ANKRD6: variants seen among roughly 807,000 people sequenced by gnomAD.
ANKRD6 encodes ankyrin repeat domain 6.
A neutral mutation model predicts 82.3 loss-of-function variants in ANKRD6; 56 were observed. The observed-to-expected ratio is 0.68, with a 90% CI of 0.55 to 0.85. The LOEUF (loss-of-function observed/expected upper bound fraction) is 0.85, where lower values mean the gene tolerates loss of function less well. Ranked by LOEUF, ANKRD6 falls within the 40% of genes least tolerant of loss-of-function variation. ANKRD6 has a pLI of 0.00. For synonymous variants in ANKRD6, 347 were observed against 352.1 expected (o/e 0.99, Z 0.16); for missense variants, 852 against 907.6 (o/e 0.94, Z 0.79).
intron 1 of ANKRD6, among the ~76,000 whole-genome samples, chr6:89,450,203 G>T (rs1353213715): frequency 1.3e-5 from 2 of 152,036 alleles, no homozygotes; most frequent in African/African-American, 4.8e-5. Context: ...CGGGTGTGGT[G>T]GCAGGCGCCT....
rs761981093 is a variant in ANKRD6 at position 89,628,507 on chromosome 6, C to T, written c.1486-605C>T. 1.6e-4 allele frequency among the ~76,000 whole-genome samples: 24 copies of T among 152,152 alleles called. 1 individual carries two copies. The highest frequency in any genetic ancestry group is 3.3e-4 in the Admixed American group (5 of 15,280). ...TAGAGCGGATGGGCGCAGTGGCTCACGCCTGTAATCCCAGCACTTTGGGAG... is the reference window on the plus strand; with the variant it reads ...TAGAGCGGATGGGCGCAGTGGCTCATGCCTGTAATCCCAGCACTTTGGGAG... On this transcript the variant is annotated intron_variant, in intron 14 of 15. Transcript: ENST00000339746.
chr6:89,616,083 G>C (rs1801498289), intron 7 of ANKRD6, among the ~76,000 whole-genome samples: 1 of 152,236 alleles, frequency 6.6e-6, no homozygotes, highest in South Asian at 2.1e-4. Context: ...AGGCTGGCCT[G>C]TCACCTCTCC....
At chr6:89,455,151 GTT>G (rs75865475) in intron 1 of ANKRD6, among the ~76,000 whole-genome samples, 8 of 139,890 alleles carry the variant, frequency 5.7e-5, no homozygotes, top group Admixed American at 7.1e-5. Flanking sequence ...GTGTGTGTGT[GTT>G]TTTTTTTTTT....
At chr6:89,533,482 C>T (rs780564023) in intron 1 of ANKRD6, among the ~76,000 whole-genome samples, 39 of 152,262 alleles carry the variant, frequency 2.6e-4, no homozygotes, top group Middle Eastern at 6.8e-3. Flanking sequence ...GGAGCCATTT[C>T]CATCTCTCAG....
Position 89,476,138 on chromosome 6 carries a change from A to G in ANKRD6, c.-144+42763A>G, listed in dbSNP as rs376319571. On this transcript the variant is annotated intron_variant, in intron 1 of 15. Coordinates refer to ENST00000339746, the MANE Select transcript of ANKRD6 (RefSeq NM_001242809.2). ...CATCTACATGTGAATATATTTTACCAGTTATAATTAATATGTGTATGTTTT... is the reference window on the plus strand; with the variant it reads ...CATCTACATGTGAATATATTTTACCGGTTATAATTAATATGTGTATGTTTT... 9.9e-5 allele frequency among the ~76,000 whole-genome samples: 15 copies of G among 152,122 alleles called. 1 individual carries two copies. In the South Asian group the frequency reaches 1.9e-3, roughly 19 times the overall value.
At chr6:89,618,866 A>G (rs998633847) in intron 9 of ANKRD6, among the ~76,000 whole-genome samples, 5 of 152,064 alleles carry the variant, frequency 3.3e-5, no homozygotes, top group African/African-American at 1.2e-4. Flanking sequence ...TTAATGTTGG[A>G]CATTTAGGTT....
intron 2 of ANKRD6, among the ~76,000 whole-genome samples, chr6:89,591,527 C>A (rs900049798): frequency 2.0e-5 from 3 of 152,188 alleles, no homozygotes; most frequent in Admixed American, 6.5e-5. Flanking sequence ...TTCAAAGGTG[C>A]CTCTAAGGAT....
intron 1 of ANKRD6, among the ~76,000 whole-genome samples, chr6:89,529,561 G>A (rs1397073043): frequency 6.6e-6 from 1 of 152,328 alleles, no homozygotes; most frequent in South Asian, 2.1e-4. Context: ...AGCACTTTTC[G>A]TTTCCTTTAA....
chr6:89,525,460 C>G (rs1463977726), intron 1 of ANKRD6, among the ~76,000 whole-genome samples: 1 of 152,138 alleles, frequency 6.6e-6, no homozygotes, highest in Non-Finnish European at 1.5e-5. Flanking sequence ...TAAATATATC[C>G]TGTGGCATCC....
Position 89,481,070 on chromosome 6 carries a change from G to GC in ANKRD6, c.-144+47696dup, listed in dbSNP as rs201466697. On this transcript the variant is annotated intron_variant, in intron 1 of 15. Transcript: ENST00000339746. ...CCACAAAGATAACCCACCATGGTCT[G>GC]CAGTTTAGGACATATTTCTCTAAAT... Among the ~76,000 whole-genome samples, 759 of 152,152 alleles carry GC rather than the reference G, an allele frequency of 5.0e-3. 2 individuals carry two copies. The highest frequency in any genetic ancestry group is 0.018 in the African/African-American group (730 of 41,500).
chr6:89,465,189 G>A lies in ANKRD6; in HGVS notation c.-144+31814G>A, dbSNP rs1366089489. Among the ~76,000 whole-genome samples, 2 of 149,104 alleles carry A rather than the reference G, an allele frequency of 1.3e-5. 1 individual carries two copies. Among genetic ancestry groups the A allele is most frequent in the South Asian group, 4.2e-4 (2 of 4,740 alleles). ...GGCTGGAGTGCAGTGGAGCAATCTC[G>A]GCTCACAGCAACCTCTGCCTCCTGG... On this transcript the variant is annotated intron_variant, in intron 1 of 15. Transcript: ENST00000339746.
chr6:89,600,010 A>G (rs941022030), intron 3 of ANKRD6, among the ~76,000 whole-genome samples: 13 of 152,160 alleles, frequency 8.5e-5, no homozygotes, highest in African/African-American at 2.9e-4. Flanking sequence ...AAGGTCCCCC[A>G]GAGGAAGGGG....
intron 1 of ANKRD6, among the ~76,000 whole-genome samples, chr6:89,445,701 C>T (rs1180839835): frequency 6.6e-6 from 1 of 152,132 alleles, no homozygotes; most frequent in African/African-American, 2.4e-5. Flanking sequence ...GCCTCGGCCT[C>T]CCAAAGTGCT....
At chr6:89,589,806 T>G (rs1794518999) in intron 2 of ANKRD6, among the ~76,000 whole-genome samples, 1 of 152,252 alleles carries the variant, frequency 6.6e-6, no homozygotes. Context: ...TTTTTGTGGT[T>G]GTTGCTTCGC....
chr6:89,501,281 A>C (rs1267065749), intron 1 of ANKRD6, among the ~76,000 whole-genome samples: 3 of 152,256 alleles, frequency 2.0e-5, no homozygotes, highest in Non-Finnish European at 4.4e-5. Flanking sequence ...TTTAAGGAAC[A>C]CATGCTTATG....
chr6:89,616,783 C>A, intron 8 of ANKRD6, 126 bp downstream of exon 8: 2 of 939,182 alleles, frequency 2.1e-6, no homozygotes, highest in Non-Finnish European at 3.4e-6. Flanking sequence ...TCTGCTGGAA[C>A]CACAGCCCCC....
intron 1 of ANKRD6, among the ~76,000 whole-genome samples, chr6:89,524,899 T>A (rs563273729): frequency 3.3e-5 from 5 of 152,016 alleles, no homozygotes; most frequent in East Asian, 1.9e-4. Flanking sequence ...TTTTTTTTTT[T>A]AATTTTTAAA....
intron 2 of ANKRD6, among the ~76,000 whole-genome samples, chr6:89,574,609 A>G (rs1483866468): frequency 1.3e-5 from 2 of 152,206 alleles, no homozygotes; most frequent in Non-Finnish European, 2.9e-5. Flanking sequence ...TTTGATAGCA[A>G]TTGCAAGGTA....
chr6:89,549,523 A>T (rs1785535210), intron 1 of ANKRD6, among the ~76,000 whole-genome samples: 2 of 152,206 alleles, frequency 1.3e-5, no homozygotes, highest in Non-Finnish European at 2.9e-5. Context: ...ATCTCTGTTC[A>T]TTATGAGTTA....
Sources: gnomAD v4.1 joint callset for allele counts (sites outside exome capture counted in the v4.1 genomes callset) on GRCh38, gnomAD v4.1.1 for gene constraint, MANE v1.5 for transcripts, NCBI Gene and HGNC (gene_info 2026-07-23, HGNC 2026-07-21) for gene names.